The following WDR72 variants were observed in gnomAD, a reference collection of about 807,000 sequenced individuals.
WDR72 encodes the protein WD repeat domain 72.
In WDR72, 120 loss-of-function variants were observed where a neutral mutation model predicts 124.2. That is an observed-to-expected ratio of 0.97 (90% CI 0.83 to 1.12). WDR72 has a LOEUF of 1.12. WDR72 is among the 50% of genes most tolerant of loss of function. WDR72 has a pLI of 0.00. For synonymous variants in WDR72, 452 were observed against 441.7 expected, an observed-to-expected ratio of 1.02 and a Z score of -0.29; for missense variants, 1,387 against 1,278.8, an observed-to-expected ratio of 1.08 and a Z score of -1.29.
chr15:53,716,595 G>C lies in WDR72; in HGVS notation c.339+12C>G, dbSNP rs1187916231. The C allele has an allele frequency of 4.5e-6, 7 of 1,560,058 alleles. No homozygotes were observed. The highest frequency in any genetic ancestry group is 4.5e-5 in the East Asian group (2 of 44,654). ...AATCTAGAAATGCCCTGAAGGAAGT[G>C]AGTGTACTTACACAGATTGCAGTGT... On this transcript the variant is annotated intron_variant, in intron 4 of 19. Transcript: ENST00000360509.
intron 18 of WDR72, among the ~76,000 whole-genome samples, chr15:53,585,291 A>G (rs2012142074): frequency 6.6e-6 from 1 of 151,980 alleles, no homozygotes; most frequent in Non-Finnish European, 1.5e-5. Flanking sequence ...GGCAGGAGAG[A>G]GAAGCGCAAG....
intron 18 of WDR72, among the ~76,000 whole-genome samples, chr15:53,532,861 A>G (rs2140237051): frequency 6.6e-6 from 1 of 152,236 alleles, no homozygotes; most frequent in African/African-American, 2.4e-5. Context: ...TTATACATGT[A>G]TACGTACGTC....
At chr15:53,646,292 T>C (rs1486062241) in intron 14 of WDR72, among the ~76,000 whole-genome samples, 1 of 152,186 alleles carries the variant, frequency 6.6e-6, no homozygotes, top group African/African-American at 2.4e-5. Context: ...TTTTTATTTT[T>C]ATATCTCGTG....
At chr15:53,753,920 GGGATT>G (rs1396774172) in intron 1 of WDR72, among the ~76,000 whole-genome samples, 3 of 152,200 alleles carry the variant, frequency 2.0e-5, no homozygotes, top group Middle Eastern at 3.4e-3. Flanking sequence ...TACATCCCTA[GGGATT>G]ACATCCCTAG....
intron 14 of WDR72, among the ~76,000 whole-genome samples, chr15:53,657,411 T>C (rs558760818): frequency 1.3e-5 from 2 of 152,072 alleles, no homozygotes; most frequent in South Asian, 2.1e-4. Flanking sequence ...AAATTATTAA[T>C]GTAAATGAAG....
rs1157327865 is a variant in WDR72, at chr15:53,516,941, T to G, written c.*758A>C. On this transcript the variant is annotated 3_prime_UTR_variant, in exon 20 of 20. Coordinates refer to ENST00000360509, the MANE Select transcript of WDR72 (RefSeq NM_182758.4). The stretch of plus-strand genomic sequence containing the variant: ...TTCTGGGAAAAGACCTACAAGAGTT[T>G]ATACTTAATAAGGATCAATTGTGAT... 2 of 152,072 alleles carry G rather than the reference T, an allele frequency of 1.3e-5. No individual in the cohort carries two copies. The highest frequency in any genetic ancestry group is 1.9e-4 in the East Asian group (1 of 5,180). 9.4% of individuals were successfully genotyped at this position (152,072 alleles called of 1,614,324 possible). A position where few individuals can be genotyped will look rare whatever the true frequency, so the allele number is the denominator to read the frequency against.
intron 14 of WDR72, among the ~76,000 whole-genome samples, chr15:53,664,360 A>C (rs557416234): frequency 5.9e-5 from 9 of 152,192 alleles, no homozygotes; most frequent in Non-Finnish European, 1.3e-4. Flanking sequence ...CTCAGTTCTC[A>C]CAAGGTTGAC....
chr15:53,599,966 A>G (rs2012968894), intron 17 of WDR72, among the ~76,000 whole-genome samples: 1 of 152,204 alleles, frequency 6.6e-6, no homozygotes, highest in Non-Finnish European at 1.5e-5. Flanking sequence ...AATAAAATAG[A>G]TTAACCATGA....
chr15:53,747,484 G>A (rs1285694104), intron 1 of WDR72, among the ~76,000 whole-genome samples: 2 of 152,150 alleles, frequency 1.3e-5, no homozygotes, highest in African/African-American at 4.8e-5. Context: ...AGTCAAAGCT[G>A]AAACAGCCCA....
intron 14 of WDR72, among the ~76,000 whole-genome samples, chr15:53,626,692 C>T (rs1386322759): frequency 2.0e-5 from 3 of 152,182 alleles, no homozygotes; most frequent in Non-Finnish European, 4.4e-5. Flanking sequence ...ATTTCTTCAC[C>T]TCCTGTTGTT....
In WDR72 at chr15:53,702,279, G is replaced by A. The variant is rs201559909; in HGVS notation, c.1424C>T (p.Ser475Leu). The A allele has an allele frequency of 7.7e-5, 125 of 1,614,052 alleles. 1 individual carries two copies. The highest frequency in any genetic ancestry group is 1.0e-4 in the Admixed American group (6 of 60,014). The change falls in exon 12 of 20, where the codon TCG (serine) becomes TTG (leucine). Residue 475 changes from serine (S) to leucine (L), a missense_variant. Physicochemically the swap from Ser to Leu is moderately radical, Grantham distance 145. Coordinates refer to ENST00000360509, the MANE Select transcript of WDR72 (RefSeq NM_182758.4). ...TSLLYPHGLS[S>L]KLDQSWMLSG... Reference sequence around the variant, plus strand: ...CAACATCCAACTTTGGTCTAATTTCGAAGAGAGACCATGTGGATAGAGTAA... The same window carrying A: ...CAACATCCAACTTTGGTCTAATTTCAAAGAGAGACCATGTGGATAGAGTAA...
chr15:53,572,468 C>T (rs760028927), intron 18 of WDR72, among the ~76,000 whole-genome samples: 4 of 151,696 alleles, frequency 2.6e-5, no homozygotes, highest in Non-Finnish European at 4.4e-5. Flanking sequence ...CTTATGTTTT[C>T]GAAGAGCTCA....
intron 18 of WDR72, among the ~76,000 whole-genome samples, chr15:53,528,607 G>C (rs1055808611): frequency 6.6e-6 from 1 of 152,010 alleles, no homozygotes; most frequent in Admixed American, 6.6e-5. Context: ...GAAATGTTGT[G>C]AAGAGTAACT....
Position 53,517,754 on chromosome 15 carries a change from C to A in WDR72, c.3254G>T (p.Gly1085Val). The change falls in exon 20 of 20, where the codon GGT becomes GTT. Residue 1085 changes from glycine to valine, a missense_variant and splice_region_variant. Transcript: ENST00000360509. Reference sequence around the variant, plus strand: ...TATCCATGAATGATGCCTTGGCTCACCTAGGAAAAAAGCAGATATCTTGGG... The same window carrying A: ...TATCCATGAATGATGCCTTGGCTCAACTAGGAAAAAAGCAGATATCTTGGG... ...RCALEESESP[G>V]EPRHHSWIAK... 1 of 1,611,890 alleles carries A rather than the reference C, an allele frequency of 6.2e-7. No homozygotes were observed. Among genetic ancestry groups the A allele is most frequent in the Non-Finnish European group, 8.5e-7 (1 of 1,179,048 alleles).
In WDR72 at chr15:53,615,840, C is replaced by A. The variant is rs752161762; in HGVS notation, c.2366G>T (p.Ser789Ile). The A allele has an allele frequency of 2.5e-6, 4 of 1,613,630 alleles. No individual in the cohort carries two copies. The highest frequency in any genetic ancestry group is 3.4e-6 in the Non-Finnish European group (4 of 1,179,666). ...CAATTTTGCTGTGTCTATTGTGAGA[C>A]TGGCATCTACTTTTCTTGATGGCTT... ...QPKPSRKVDA[S>I]LTIDTAKLFL... Residue 789 changes from serine (S) to isoleucine (I), a missense_variant, in exon 15 of 20, where the codon AGT becomes ATT. Transcript: ENST00000360509.
chr15:53,530,349 T>A (rs1892382053), intron 18 of WDR72, among the ~76,000 whole-genome samples: 1 of 151,804 alleles, frequency 6.6e-6, no homozygotes, highest in Non-Finnish European at 1.5e-5. Flanking sequence ...TCTGAAAGGA[T>A]CTGTTCATCA....
At chr15:53,751,408 C>T (rs979620208) in intron 1 of WDR72, among the ~76,000 whole-genome samples, 1 of 152,176 alleles carries the variant, frequency 6.6e-6, no homozygotes, top group African/African-American at 2.4e-5. Flanking sequence ...GCAAAAAGTA[C>T]AACTTGCAGA....
intron 18 of WDR72, among the ~76,000 whole-genome samples, chr15:53,550,932 A>T (rs921133402): frequency 2.6e-5 from 4 of 152,216 alleles, no homozygotes; most frequent in Non-Finnish European, 5.9e-5. Flanking sequence ...ATGATTATTA[A>T]TTAAAAAAGA....
chr15:53,545,116 C>G (rs1893374619), intron 18 of WDR72, among the ~76,000 whole-genome samples: 1 of 149,026 alleles, frequency 6.7e-6, no homozygotes, highest in East Asian at 1.9e-4. Context: ...CAATGCCATC[C>G]CCATAAAGCT....
Sources: gnomAD v4.1 joint callset for allele counts (sites outside exome capture counted in the v4.1 genomes callset) on GRCh38, gnomAD v4.1.1 for gene constraint, MANE v1.5 for transcripts, NCBI Gene and HGNC (gene_info 2026-07-23, HGNC 2026-07-21) for gene names.